ALK: variants seen among roughly 807,000 people sequenced by gnomAD.
ALK encodes ALK receptor tyrosine kinase.
In ALK, 74 loss-of-function variants were observed where a neutral mutation model predicts 163.1. The ratio of observed to expected loss-of-function variants is 0.45; its 90% CI spans 0.38 to 0.55. ALK has a LOEUF of 0.55. ALK is among the 20% of genes least tolerant of loss of function. ALK has a pLI of 0.00. For synonymous variants in ALK, 960 were observed against 843.2 expected (o/e 1.14, Z -2.40); for missense variants, 2,063 against 2,105.3 (o/e 0.98, Z 0.39).
At chr2:29,525,943 C>T (rs1219301882) in intron 4 of ALK, among the ~76,000 whole-genome samples, 1 of 152,082 alleles carries the variant, frequency 6.6e-6, no homozygotes, top group South Asian at 2.1e-4. Context: ...TTAGTAGTTG[C>T]TTCAATATTA....
intron 9 of ALK, among the ~76,000 whole-genome samples, chr2:29,293,506 A>G (rs1666094639): frequency 6.6e-6 from 1 of 152,220 alleles, no homozygotes. Flanking sequence ...GGGTACATAT[A>G]GAGTATAGGT....
chr2:29,225,739 C>T (rs893664367), intron 18 of ALK, among the ~76,000 whole-genome samples, 174 bp from the exon 19 acceptor site: 4 of 152,146 alleles, frequency 2.6e-5, no homozygotes, highest in African/African-American at 9.7e-5. Flanking sequence ...AGACTCATCC[C>T]GATTTGACAG....
At chr2:29,741,196 G>C (rs1434011491) in intron 1 of ALK, among the ~76,000 whole-genome samples, 1 of 152,178 alleles carries the variant, frequency 6.6e-6, no homozygotes, top group East Asian at 1.9e-4. Flanking sequence ...GTTAGGAGTA[G>C]GGGTGGGGAA....
intron 9 of ALK, among the ~76,000 whole-genome samples, chr2:29,276,464 T>G (rs983611545): frequency 1.3e-5 from 2 of 152,148 alleles, no homozygotes; most frequent in African/African-American, 4.8e-5. Flanking sequence ...CTGCTCTAAG[T>G]GAAGGTTTCC....
At position 29,852,480 on chromosome 2, in the gene ALK, G is replaced by GT. The variant is rs535155030; in HGVS notation, c.667+67512_667+67513insA. On this transcript the variant is annotated intron_variant, in intron 1 of 28. Coordinates refer to ENST00000389048, the MANE Select transcript of ALK (RefSeq NM_004304.5). ...TATACTTTCAAAGGTGTGGGGAAGG[G>GT]CCCCTCCATGCCATGAGACAGATCT... 3.1e-3 allele frequency among the ~76,000 whole-genome samples: 476 copies of GT among 152,282 alleles called. 2 individuals are homozygous for GT. The highest frequency in any genetic ancestry group is 3.2e-3 in the Non-Finnish European group (220 of 68,036).
intron 5 of ALK, 70 bp downstream of exon 5, chr2:29,383,662 T>C (rs747837327): frequency 1.6e-5 from 26 of 1,604,686 alleles, no homozygotes; most frequent in Non-Finnish European, 2.2e-5. Flanking sequence ...CAGCCAAACA[T>C]GGTTGCAGGT....
At chr2:29,445,882 G>A (rs1212354780) in intron 4 of ALK, among the ~76,000 whole-genome samples, 1 of 151,082 alleles carries the variant, frequency 6.6e-6, no homozygotes, top group Non-Finnish European at 1.5e-5. Context: ...GGCGGATCAC[G>A]AGGTCAGGAG....
At chr2:29,645,983 C>G (rs933183073) in intron 3 of ALK, among the ~76,000 whole-genome samples, 1 of 152,146 alleles carries the variant, frequency 6.6e-6, no homozygotes, top group African/African-American at 2.4e-5. Flanking sequence ...AGTCTCATCT[C>G]CCTAGTGAAC....
At chr2:29,368,924 A>C (rs527630162) in intron 5 of ALK, among the ~76,000 whole-genome samples, 30 of 152,344 alleles carry the variant, frequency 2.0e-4, no homozygotes, top group Non-Finnish European at 4.0e-4. Context: ...ATTTTACTGA[A>C]GACTAGGAAA....
intron 4 of ALK, among the ~76,000 whole-genome samples, chr2:29,462,066 G>T (rs1027682798): frequency 6.6e-6 from 1 of 152,126 alleles, no homozygotes; most frequent in African/African-American, 2.4e-5. Flanking sequence ...AGCCAGAGAA[G>T]TAGAATTAGA....
chr2:29,918,147 A>C (rs2148441617), intron 1 of ALK, among the ~76,000 whole-genome samples: 1 of 152,366 alleles, frequency 6.6e-6, no homozygotes, highest in African/African-American at 2.4e-5. Flanking sequence ...TGATAGCTTC[A>C]TGCAACCTAC....
At chr2:29,911,172 G>A (rs1044949189) in intron 1 of ALK, among the ~76,000 whole-genome samples, 15 of 152,208 alleles carry the variant, frequency 9.9e-5, no homozygotes, top group Non-Finnish European at 1.9e-4. Flanking sequence ...GGACAGCTAA[G>A]GGGCCCAAAG....
At chr2:29,475,007 G>A (rs1201762228) in intron 4 of ALK, among the ~76,000 whole-genome samples, 1 of 151,380 alleles carries the variant, frequency 6.6e-6, no homozygotes, top group African/African-American at 2.4e-5. Context: ...AGTTTCTGCA[G>A]AAGAAACCGC....
intron 1 of ALK, among the ~76,000 whole-genome samples, chr2:29,799,395 A>G (rs577503045): frequency 2.6e-5 from 4 of 152,316 alleles, no homozygotes; most frequent in Non-Finnish European, 4.4e-5. Flanking sequence ...AGCTGGGTGC[A>G]GTGGCTCACA....
At chr2:29,716,919 C>T (rs191481982) in intron 2 of ALK, among the ~76,000 whole-genome samples, 64 of 143,212 alleles carry the variant, frequency 4.5e-4, no homozygotes, top group Admixed American at 9.1e-4. Flanking sequence ...CTGAGGCAGG[C>T]GGATCACGAG....
intron 4 of ALK, among the ~76,000 whole-genome samples, chr2:29,481,491 T>C (rs4517934): frequency 0.015 from 2,291 of 152,304 alleles, 70 homozygotes; most frequent in African/African-American, 0.053. Flanking sequence ...TCAGCACACA[T>C]TGCATAGATA....
At chr2:29,754,994 C>G (rs1384164780) in intron 1 of ALK, among the ~76,000 whole-genome samples, 1 of 152,116 alleles carries the variant, frequency 6.6e-6, no homozygotes, top group African/African-American at 2.4e-5. Flanking sequence ...GACCCCCACC[C>G]CAGAGCCGGC....
At chr2:29,385,119 A>AT (rs11295853) in intron 4 of ALK, among the ~76,000 whole-genome samples, 13,926 of 146,976 alleles carry the variant, frequency 0.095, 710 homozygotes, top group Non-Finnish European at 0.11. Context: ...AATATTTCAC[A>AT]TTTTTTTTTT....
intron 4 of ALK, among the ~76,000 whole-genome samples, chr2:29,431,137 G>C (rs1006435978): frequency 6.6e-6 from 1 of 152,006 alleles, no homozygotes; most frequent in African/African-American, 2.4e-5. Context: ...ACAACAGTAA[G>C]CTACCTGAAA....
Sources: gnomAD v4.1 joint callset for allele counts (sites outside exome capture counted in the v4.1 genomes callset) on GRCh38, gnomAD v4.1.1 for gene constraint, MANE v1.5 for transcripts, NCBI Gene and HGNC (gene_info 2026-07-23, HGNC 2026-07-21) for gene names.